LOC400499: variants seen among roughly 807,000 people sequenced by gnomAD.
the LOC400499 span, chr16:11,441,190 G>C: frequency 2.5e-6 from 1 of 397,594 alleles, no homozygotes; most frequent in African/African-American, 2.1e-5. Context: ...AGATTGATGG[G>C]TTATGGAGCA....
chr16:11,405,561 C>T, the LOC400499 span, among the ~76,000 whole-genome samples: 1 of 152,142 alleles, frequency 6.6e-6, no homozygotes, highest in South Asian at 2.1e-4. Flanking sequence ...GAGAGGGACG[C>T]CGTCCCTGCT....
the LOC400499 span, among the ~76,000 whole-genome samples, chr16:11,468,024 TG>T: frequency 6.6e-6 from 1 of 152,000 alleles, no homozygotes; most frequent in East Asian, 1.9e-4. Flanking sequence ...CAAGGAGCTC[TG>T]GGGGCTTCTA....
chr16:11,497,153 A>G, the LOC400499 span, among the ~76,000 whole-genome samples: 1 of 152,070 alleles, frequency 6.6e-6, no homozygotes, highest in African/African-American at 2.4e-5. Flanking sequence ...CACATGATCC[A>G]GTGTGCGTGT....
chr16:11,440,505 A>G, the LOC400499 span, among the ~76,000 whole-genome samples: 6 of 152,208 alleles, frequency 3.9e-5, no homozygotes, highest in African/African-American at 9.6e-5. Flanking sequence ...TGAACTGCAC[A>G]TGAACACTGG....
chr16:11,458,489 A>G, the LOC400499 span, among the ~76,000 whole-genome samples: 1 of 151,332 alleles, frequency 6.6e-6, no homozygotes, highest in African/African-American at 2.4e-5. Context: ...TGGGCAACAA[A>G]AGCGAAACTC....
chr16:11,464,216 A>G, the LOC400499 span, among the ~76,000 whole-genome samples: 1 of 152,230 alleles, frequency 6.6e-6, no homozygotes, highest in African/African-American at 2.4e-5. Flanking sequence ...ACACGAATAT[A>G]CAGACACACC....
chr16:11,509,516 T>C, the LOC400499 span, among the ~76,000 whole-genome samples: 4 of 151,508 alleles, frequency 2.6e-5, no homozygotes, highest in South Asian at 2.1e-4. Context: ...TGCAGAACAA[T>C]GTATGGTGCA....
chr16:11,515,507 A>G, the LOC400499 span, among the ~76,000 whole-genome samples: 5 of 151,404 alleles, frequency 3.3e-5, no homozygotes, highest in Non-Finnish European at 7.4e-5. Flanking sequence ...ACGTACGTAC[A>G]TACATACATA....
the LOC400499 span, among the ~76,000 whole-genome samples, chr16:11,513,383 G>A: frequency 7.7e-6 from 1 of 130,550 alleles, no homozygotes; most frequent in Non-Finnish European, 1.6e-5. Flanking sequence ...TCCAGCCTGG[G>A]CAACAGAACG....
At chr16:11,398,340 A>G in the LOC400499 span, 3 of 1,232,322 alleles carry the variant, frequency 2.4e-6, no homozygotes, top group Non-Finnish European at 3.0e-6. Flanking sequence ...TCTGCAGGGC[A>G]GACTCACCCT....
chr16:11,444,130 C>CA, the LOC400499 span, among the ~76,000 whole-genome samples: 2 of 152,108 alleles, frequency 1.3e-5, no homozygotes, highest in Non-Finnish European at 2.9e-5. Flanking sequence ...TGTGAGCCAC[C>CA]ACACCTGGCC....
chr16:11,402,149 G>A, the LOC400499 span: 1 of 399,116 alleles, frequency 2.5e-6, no homozygotes, highest in Non-Finnish European at 4.4e-6. Flanking sequence ...CAGCGGGTGG[G>A]TGAGCTCCAC....
At chr16:11,465,358 C>T in the LOC400499 span, 2 of 152,118 alleles carry the variant, frequency 1.3e-5, no homozygotes, top group Non-Finnish European at 2.9e-5. Flanking sequence ...AATTCCTCAC[C>T]TCAAGTGATC....
At chr16:11,502,094 G>C in the LOC400499 span, 5 of 399,138 alleles carry the variant, frequency 1.3e-5, no homozygotes, top group Non-Finnish European at 8.8e-6. Context: ...CTCGGCATTT[G>C]AAGGAAGAAT....
the LOC400499 span, among the ~76,000 whole-genome samples, chr16:11,478,310 G>A: frequency 6.7e-5 from 10 of 148,816 alleles, no homozygotes; most frequent in East Asian, 1.1e-3. Context: ...TTACAGGCGT[G>A]AGCCACTTCG....
the LOC400499 span, chr16:11,407,187 G>A: frequency 2.5e-6 from 1 of 399,050 alleles, no homozygotes; most frequent in Non-Finnish European, 4.4e-6. Flanking sequence ...GCCCTGGGCT[G>A]ACCTCCACAC....
chr16:11,516,171 C>G, the LOC400499 span: 5 of 399,696 alleles, frequency 1.3e-5, no homozygotes, highest in African/African-American at 4.1e-5. Flanking sequence ...CTGTGGGCCC[C>G]TGGGTGGCCC....
chr16:11,394,143 A>T, the LOC400499 span, among the ~76,000 whole-genome samples: 34,109 of 151,974 alleles, frequency 0.22, 4,012 homozygotes, highest in African/African-American at 0.29. Context: ...AGGCTTTCCG[A>T]GTTTGCATGG....
chr16:11,522,982 A>G, the LOC400499 span, among the ~76,000 whole-genome samples: 1 of 152,174 alleles, frequency 6.6e-6, no homozygotes, highest in Non-Finnish European at 1.5e-5. Context: ...ACCCCTCCCC[A>G]TGGCTTGTGA....
Sources: allele counts gnomAD v4.1 joint callset (sites outside exome capture counted in the v4.1 genomes callset), GRCh38; gene constraint gnomAD v4.1.1; transcripts MANE v1.5.